FOXP2: variants seen among roughly 807,000 people sequenced by gnomAD.
FOXP2 encodes the protein forkhead box protein P2.
Under a neutral mutation model 115.8 loss-of-function variants are expected in FOXP2, and 12 were observed. That is an observed-to-expected ratio of 0.10 (90% CI 0.07 to 0.17). The LOEUF (loss-of-function observed/expected upper bound fraction) is 0.17, where lower values mean the gene tolerates loss of function less well. FOXP2 is among the 10% of genes least tolerant of loss of function. The probability of loss-of-function intolerance (pLI) is 1.00; values close to 1 mark genes in which losing one functional copy is unlikely to be tolerated. For missense variants in FOXP2, 629 were observed against 843.5 expected (o/e 0.75, Z 3.15); for synonymous variants, 328 against 297.7 (o/e 1.10, Z -1.05).
intron 2 of FOXP2, among the ~76,000 whole-genome samples, chr7:114,318,375 CTT>C (rs1554367605): frequency 1.1e-5 from 1 of 90,038 alleles, no homozygotes; most frequent in Non-Finnish European, 2.2e-5. Context: ...TGATGTCTCT[CTT>C]TGTTTTTTTT....
chr7:114,476,975 T>A (rs1796302074), intron 2 of FOXP2, among the ~76,000 whole-genome samples: 1 of 151,990 alleles, frequency 6.6e-6, no homozygotes, highest in Non-Finnish European at 1.5e-5. Flanking sequence ...CCAGGCAGAA[T>A]GGCAATTATC....
chr7:114,570,857 T>C (rs746011871), intron 3 of FOXP2: 5 of 1,612,116 alleles, frequency 3.1e-6, no homozygotes, highest in South Asian at 1.1e-5. Context: ...CTTCTGGTGA[T>C]GGGCATCCTC....
chr7:114,211,927 G>T (rs1041060356), intron 1 of FOXP2, among the ~76,000 whole-genome samples: 1 of 152,020 alleles, frequency 6.6e-6, no homozygotes, highest in African/African-American at 2.4e-5. Context: ...ACAAAAATTA[G>T]CTGGACGTAG....
intron 1 of FOXP2, among the ~76,000 whole-genome samples, chr7:114,223,272 T>C (rs1479776042): frequency 1.3e-5 from 2 of 152,030 alleles, no homozygotes; most frequent in East Asian, 3.9e-4. Context: ...TTTGTCATAC[T>C]GCTCCTTTTG....
At chr7:114,542,230 T>C (rs540667131) in intron 3 of FOXP2, among the ~76,000 whole-genome samples, 23 of 152,276 alleles carry the variant, frequency 1.5e-4, no homozygotes, top group African/African-American at 4.3e-4. Flanking sequence ...ACTTTATTGC[T>C]GTCTCTTTGG....
chr7:114,590,780 G>A (rs1802401432), intron 3 of FOXP2, among the ~76,000 whole-genome samples: 1 of 152,098 alleles, frequency 6.6e-6, no homozygotes, highest in Admixed American at 6.6e-5. Flanking sequence ...TGAAGGGTAG[G>A]TATGTGTGTT....
chr7:114,324,260 C>A (rs538344180), intron 2 of FOXP2, among the ~76,000 whole-genome samples: 225 of 151,826 alleles, frequency 1.5e-3, no homozygotes, highest in Admixed American at 5.6e-3. Context: ...TGTACAGATA[C>A]CATATTATTA....
intron 2 of FOXP2, among the ~76,000 whole-genome samples, chr7:114,453,290 G>C (rs371505888): frequency 2.2e-4 from 33 of 152,072 alleles, no homozygotes; most frequent in African/African-American, 8.0e-4. Context: ...GGTCCCTTAC[G>C]TTAGAAACAG....
At chr7:114,628,427 A>G in intron 3 of FOXP2, 113 bp from the exon 4 acceptor site, 2 of 1,397,128 alleles carry the variant, frequency 1.4e-6, no homozygotes, top group East Asian at 2.3e-5. Flanking sequence ...CGTAAAAATT[A>G]TTGATCATCA....
At chr7:114,409,801 G>A (rs1321796321), upstream of FOXP2, among the ~76,000 whole-genome samples, 2 of 151,982 alleles carry the variant, frequency 1.3e-5, no homozygotes, top group Non-Finnish European at 2.9e-5. Context: ...TAAAACATCT[G>A]TAATCTTATA....
intron 3 of FOXP2, among the ~76,000 whole-genome samples, chr7:114,539,778 A>G (rs1343240542): frequency 6.6e-6 from 1 of 152,018 alleles, no homozygotes; most frequent in African/African-American, 2.4e-5. Flanking sequence ...GGTCTGGGAC[A>G]TTGAGCTCAT....
At chr7:114,187,921 C>T (rs913228234) in intron 1 of FOXP2, among the ~76,000 whole-genome samples, 3 of 152,128 alleles carry the variant, frequency 2.0e-5, no homozygotes, top group Non-Finnish European at 4.4e-5. Context: ...GCTAAACTCA[C>T]CCTTTTTTAA....
At chr7:114,161,356 T>C (rs930084169), upstream of FOXP2, among the ~76,000 whole-genome samples, 2 of 152,208 alleles carry the variant, frequency 1.3e-5, no homozygotes, top group African/African-American at 4.8e-5. Context: ...TCTAGGTAAA[T>C]AATTGCGAAT....
chr7:114,342,583 G>A (rs1365018852), intron 2 of FOXP2, among the ~76,000 whole-genome samples: 1 of 151,320 alleles, frequency 6.6e-6, no homozygotes, highest in African/African-American at 2.4e-5. Flanking sequence ...GCTTTGAATA[G>A]CTGTTGTCAA....
chr7:114,571,755 G>C (rs953215654), intron 3 of FOXP2, among the ~76,000 whole-genome samples: 1 of 151,808 alleles, frequency 6.6e-6, no homozygotes, highest in Non-Finnish European at 1.5e-5. Flanking sequence ...GTATACAGGA[G>C]GATGTGCATA....
intron 1 of FOXP2, among the ~76,000 whole-genome samples, chr7:114,208,731 TGAG>T (rs1794265377): frequency 6.6e-6 from 1 of 152,048 alleles, no homozygotes; most frequent in Non-Finnish European, 1.5e-5. Context: ...ATAAGTCTCA[TGAG>T]ATCTGGTGGC....
intron 3 of FOXP2, among the ~76,000 whole-genome samples, chr7:114,544,623 A>T (rs1799830138): frequency 1.3e-5 from 2 of 152,246 alleles, no homozygotes; most frequent in Non-Finnish European, 2.9e-5. Context: ...ACCAAGGAAC[A>T]CATTGAACAT....
chr7:114,163,785 G>A (rs575507326), intron 1 of FOXP2, among the ~76,000 whole-genome samples: 2 of 152,260 alleles, frequency 1.3e-5, no homozygotes, highest in East Asian at 1.9e-4. Flanking sequence ...TCTTTGTGAC[G>A]ACTTTTATCT....
intron 1 of FOXP2, among the ~76,000 whole-genome samples, chr7:114,232,955 T>G (rs1349264281): frequency 6.6e-6 from 1 of 152,218 alleles, no homozygotes; most frequent in Admixed American, 6.5e-5. Flanking sequence ...ATATGAGGTA[T>G]CTAAAGTAGT....
Sources: allele counts gnomAD v4.1 joint callset (sites outside exome capture counted in the v4.1 genomes callset), GRCh38; gene constraint gnomAD v4.1.1; transcripts MANE v1.5; gene names NCBI Gene and HGNC (gene_info 2026-07-23, HGNC 2026-07-21).